Variants in ATAD2B observed in about 807,000 individuals in gnomAD.
The protein encoded by ATAD2B is ATPase family AAA domain-containing protein 2B.
In ATAD2B, 40 loss-of-function variants were observed where a neutral mutation model predicts 167.6. The observed-to-expected ratio is 0.24, with a 90% CI of 0.19 to 0.31. The LOEUF (loss-of-function observed/expected upper bound fraction) is 0.31, where lower values mean the gene tolerates loss of function less well. Ranked by LOEUF, ATAD2B falls within the 10% of genes least tolerant of loss-of-function variation. The pLI, the probability that ATAD2B is intolerant of heterozygous loss-of-function variation, is 1.00. For synonymous variants in ATAD2B, 579 were observed against 596.5 expected, an observed-to-expected ratio of 0.97 and a Z score of 0.43; for missense variants, 1,242 against 1,757.2, an observed-to-expected ratio of 0.71 and a Z score of 5.24.
chr2:23,693,511 C>A, the ATAD2B span: 2 of 1,550,590 alleles, frequency 1.3e-6, no homozygotes, highest in Non-Finnish European at 1.7e-6. Context: ...CAAGAAGGAC[C>A]CCGCGACACG....
rs1486701267 is a variant in ATAD2B at position 23,835,655 on chromosome 2, G to A, written c.1569-1577C>T. Among the ~76,000 whole-genome samples, 4 of 152,202 alleles carry A rather than the reference G, an allele frequency of 2.6e-5. No individual in the cohort carries two copies. In the East Asian group the frequency reaches 7.7e-4, roughly 29 times the overall value. ...TATGCAGTTTAAATAAGTGAACTGA[G>A]CTGGGCACAGTGGCTCACACCTGTA... On this transcript the variant is annotated intron_variant, in intron 13 of 27. Coordinates refer to ENST00000238789, the MANE Select transcript of ATAD2B (RefSeq NM_017552.4).
chr2:23,789,738 A>G (rs941483607), intron 19 of ATAD2B, among the ~76,000 whole-genome samples: 4 of 152,196 alleles, frequency 2.6e-5, no homozygotes, highest in African/African-American at 4.8e-5. Context: ...CTATGAAATG[A>G]ACCCTTAAAA....
chr2:23,872,291 GCA>G (rs1696112913), intron 8 of ATAD2B: 2 of 512,212 alleles, frequency 3.9e-6, no homozygotes, highest in East Asian at 9.2e-5. Context: ...ACGGCTTTAC[GCA>G]CAGTCTCTTC....
chr2:23,842,757 A>G (rs977889830), intron 13 of ATAD2B, among the ~76,000 whole-genome samples: 2 of 152,218 alleles, frequency 1.3e-5, no homozygotes, highest in Non-Finnish European at 2.9e-5. Flanking sequence ...CTGGTCCTGA[A>G]CAAAGCAAGG....
the ATAD2B span, among the ~76,000 whole-genome samples, chr2:23,737,521 G>A: frequency 6.6e-6 from 1 of 152,072 alleles, no homozygotes; most frequent in Non-Finnish European, 1.5e-5. Flanking sequence ...AAACAGAAAG[G>A]ACATCCACAC....
chr2:23,740,751 G>A, the ATAD2B span, among the ~76,000 whole-genome samples: 1 of 152,154 alleles, frequency 6.6e-6, no homozygotes, highest in Admixed American at 6.5e-5. Flanking sequence ...AGGAAAAGAG[G>A]AAGTCAAATT....
At chr2:23,914,177 G>A (rs72796326) in intron 1 of ATAD2B, among the ~76,000 whole-genome samples, 18,309 of 152,092 alleles carry the variant, frequency 0.12, 1,193 homozygotes, top group Middle Eastern at 0.21. Context: ...AACAACATAC[G>A]TGAGAACTTA....
chr2:23,920,023 C>T (rs965775363), intron 1 of ATAD2B, among the ~76,000 whole-genome samples: 3 of 151,286 alleles, frequency 2.0e-5, no homozygotes, highest in East Asian at 1.9e-4. Flanking sequence ...TGGTGGCTCA[C>T]GTCTGTAATC....
At chr2:23,745,423 AAGGGAAG>A (rs1167976005), downstream of ATAD2B, among the ~76,000 whole-genome samples, 1 of 34,690 alleles carries the variant, frequency 2.9e-5, no homozygotes, top group Admixed American at 2.8e-4. Context: ...GAAGGAAGGA[AAGGGAAG>A]GGAAGGGAAG....
chr2:23,750,850 G>A lies in ATAD2B; in HGVS notation c.*1196C>T, dbSNP rs1159672388. The stretch of plus-strand genomic sequence containing the variant: ...AAATCACTCAACAAGATTCAAAATG[G>A]TTTCCAATCAAAAAGAAGAGTTGTG... On this transcript the variant is annotated 3_prime_UTR_variant, in exon 28 of 28. Transcript: ENST00000238789. 6.6e-6 allele frequency: 1 copy of A among 152,054 alleles called. No individual in the cohort carries two copies. Among genetic ancestry groups the A allele is most frequent in the East Asian group, 1.9e-4 (1 of 5,200 alleles). 9.4% of individuals were successfully genotyped at this position (152,054 alleles called of 1,614,324 possible). A position where few individuals can be genotyped will look rare whatever the true frequency, so the allele number is the denominator to read the frequency against.
chr2:23,694,695 A>G, the ATAD2B span, among the ~76,000 whole-genome samples: 2 of 151,946 alleles, frequency 1.3e-5, no homozygotes, highest in Non-Finnish European at 2.9e-5. Context: ...CAGACACACC[A>G]TTCTCTTTCA....
At chr2:23,909,203 A>G (rs1433198415) in intron 1 of ATAD2B, among the ~76,000 whole-genome samples, 1 of 151,970 alleles carries the variant, frequency 6.6e-6, no homozygotes, top group Non-Finnish European at 1.5e-5. Context: ...TTAGCCATCA[A>G]GAAAAATGAA....
intron 1 of ATAD2B, among the ~76,000 whole-genome samples, chr2:23,921,205 CAAAAAAAAAA>C (rs61004964): frequency 1.2e-4 from 4 of 32,288 alleles, no homozygotes; most frequent in Admixed American, 1.1e-3. Flanking sequence ...GACTCCATCT[CAAAAAAAAAA>C]AAAAAAAAAA....
chr2:23,808,044 T>TATATATAACTATAAATTATA (rs1684814534), intron 18 of ATAD2B, among the ~76,000 whole-genome samples: 2 of 129,534 alleles, frequency 1.5e-5, no homozygotes, highest in Non-Finnish European at 3.2e-5. Flanking sequence ...GTAATTTATT[T>TATATATAACTATAAATTATA]ATATATAAGT....
chr2:23,683,855 C>T, the ATAD2B span, among the ~76,000 whole-genome samples: 9 of 152,146 alleles, frequency 5.9e-5, no homozygotes, highest in Non-Finnish European at 1.0e-4. Context: ...CCCATGGCCC[C>T]CTCCTTTCTC....
intron 22 of ATAD2B, among the ~76,000 whole-genome samples, chr2:23,771,541 C>T (rs769360438): frequency 5.3e-5 from 8 of 152,100 alleles, no homozygotes; most frequent in Non-Finnish European, 1.0e-4. Context: ...TGATGATAGT[C>T]TGCTGACCCC....
intron 2 of ATAD2B, among the ~76,000 whole-genome samples, chr2:23,893,132 G>T (rs1490526226): frequency 6.6e-6 from 1 of 152,040 alleles, no homozygotes; most frequent in African/African-American, 2.4e-5. Flanking sequence ...AAATCACTTA[G>T]GAAGATTCAG....
At position 23,926,718 on chromosome 2, in the gene ATAD2B, C is replaced by A. The variant is rs1161710772; in HGVS notation, c.53G>T (p.Gly18Val). ...TCCGGCCCCAGGCCCAGGCCCGGGA[C>A]CAGGAGACTTGGACCCGAGAAGGCG... ...SLRLLGSKSP[G>V]PGPGPGAGAE... Residue 18 changes from glycine to valine, a missense_variant, in exon 1 of 28, where the codon GGT becomes GTT. Physicochemically the swap from Gly to Val is moderately radical, Grantham distance 109 (BLOSUM62 -3). This residue lies in a region of ATAD2B where 199 missense variants were observed against 194.9 expected (regional missense o/e 1.02). Coordinates refer to ENST00000238789, the MANE Select transcript of ATAD2B (RefSeq NM_017552.4). 1 of 1,549,604 alleles carries A rather than the reference C, an allele frequency of 6.5e-7. No individual in the cohort carries two copies. The highest frequency in any genetic ancestry group is 2.0e-5 in the Admixed American group (1 of 51,048).
chr2:23,857,707 T>G (rs1247811594), intron 12 of ATAD2B, among the ~76,000 whole-genome samples: 2 of 151,872 alleles, frequency 1.3e-5, no homozygotes, highest in African/African-American at 4.8e-5. Flanking sequence ...TTGTTTATTC[T>G]TCCATACATA....
Sources: gnomAD v4.1 joint callset for allele counts (sites outside exome capture counted in the v4.1 genomes callset) on GRCh38, gnomAD v4.1.1 for gene constraint, gnomAD v4.1.1 regional missense constraint, MANE v1.5 for transcripts, NCBI Gene and HGNC (gene_info 2026-07-23, HGNC 2026-07-21) for gene names.